Variants in SIK2 observed in about 807,000 individuals in gnomAD.
SIK2 encodes serine/threonine-protein kinase SIK2.
Under a neutral mutation model 103.2 loss-of-function variants are expected in SIK2, and 29 were observed. That is an observed-to-expected ratio of 0.28 (90% CI 0.21 to 0.38). The LOEUF is 0.38. SIK2 is among the 10% of genes least tolerant of loss of function. The pLI is 1.00. For synonymous variants in SIK2, 412 were observed against 446.1 expected (o/e 0.92, Z 0.96); for missense variants, 879 against 1,171.0 (o/e 0.75, Z 3.64).
At chr11:111,721,742 T>C (rs561015128) in intron 12 of SIK2, 88 bp from the exon 13 acceptor site, 561 of 955,870 alleles carry the variant, frequency 5.9e-4, no homozygotes, top group Admixed American at 1.1e-3. Flanking sequence ...GGTATTCCTA[T>C]TGGACATTGC....
intron 7 of SIK2, 134 bp downstream of exon 7, chr11:111,703,557 A>G (rs1190236823): frequency 1.4e-6 from 1 of 695,978 alleles, no homozygotes; most frequent in Non-Finnish European, 2.4e-6. Context: ...CCTATAGATG[A>G]CATCAGACTC....
At position 111,662,376 on chromosome 11, in the gene SIK2, C is replaced by G. The variant is rs559976388; in HGVS notation, c.317-25625C>G. On this transcript the variant is annotated intron_variant, in intron 3 of 14. Coordinates refer to ENST00000304987, the MANE Select transcript of SIK2 (RefSeq NM_015191.3). ...CAAAATCCTTGTCCACATTCACATC[C>G]TAAGCGAGGGAAAAAAACAGTAAAA... 1.9e-4 allele frequency among the ~76,000 whole-genome samples: 29 copies of G among 152,226 alleles called. No individual in the cohort carries two copies. The South Asian group carries it at 5.0e-3, about 26-fold the overall frequency.
rs915200768 is a variant in SIK2, at chr11:111,727,012, G to A, written c.*2883G>A. ...TGCACTAGCTCTGCAATTCCCAGCT[G>A]GGCAAGTGTGTCTCTAGTATCTCCA... On this transcript the variant is annotated 3_prime_UTR_variant, in exon 15 of 15. Coordinates refer to ENST00000304987, the MANE Select transcript of SIK2 (RefSeq NM_015191.3). 26 of 1,614,048 alleles carry A rather than the reference G, an allele frequency of 1.6e-5. No individual in the cohort carries two copies. The Admixed American group carries it at 2.2e-4, about 13-fold the overall frequency.
chr11:111,658,813 A>T (rs1333331344), intron 3 of SIK2, among the ~76,000 whole-genome samples: 3 of 152,200 alleles, frequency 2.0e-5, no homozygotes, highest in Non-Finnish European at 4.4e-5. Flanking sequence ...GTACTACAGT[A>T]ACCAAATGAA....
At chr11:111,623,016 C>T (rs11213957) in intron 3 of SIK2, among the ~76,000 whole-genome samples, 5,172 of 152,276 alleles carry the variant, frequency 0.034, 106 homozygotes, top group Middle Eastern at 0.068. Flanking sequence ...CCTCTCTTCT[C>T]CTTCAGATAT....
intron 9 of SIK2, among the ~76,000 whole-genome samples, chr11:111,713,840 G>A (rs547069206): frequency 7.9e-5 from 12 of 152,192 alleles, no homozygotes; most frequent in African/African-American, 1.7e-4. Context: ...GGTTGCGGGC[G>A]CCTGTAATCC....
In SIK2 at chr11:111,703,519, C is replaced by T. The variant is rs1943266324; in HGVS notation, c.948+96C>T. On this transcript the variant is annotated intron_variant, in intron 7 of 14. Coordinates refer to ENST00000304987, the MANE Select transcript of SIK2 (RefSeq NM_015191.3). ...CCTGGTCTTTTAGCACATGTATCTC[C>T]AGCGCCTAGGCGTACTGTTCAGTGT... 5 of 1,070,236 alleles carry T rather than the reference C, an allele frequency of 4.7e-6. No homozygotes were observed. The Admixed American group carries it at 9.6e-5, about 21-fold the overall frequency. 66.3% of individuals were successfully genotyped at this position (1,070,236 alleles called of 1,614,324 possible). A position where few individuals can be genotyped will look rare whatever the true frequency, so the allele number is the denominator to read the frequency against.
Position 111,723,899 on chromosome 11 carries a change from C to T in SIK2, c.2551C>T (p.Leu851=). 1.2e-6 allele frequency: 2 copies of T among 1,613,502 alleles called. No individual in the cohort carries two copies. Among genetic ancestry groups the T allele is most frequent in the South Asian group, 2.2e-5 (2 of 91,032 alleles). Residue 851 remains leucine, a synonymous_variant, in exon 15 of 15, where the codon CTG becomes TTG. Transcript: ENST00000304987. ...PLQFSYQTCE[L]PSAASPAPDY... ...ACAGTTCTCCTATCAGACTTGTGAGCTGCCAAGCGCTGCTTCCCCTGCGCC... is the reference window on the plus strand; with the variant it reads ...ACAGTTCTCCTATCAGACTTGTGAGTTGCCAAGCGCTGCTTCCCCTGCGCC...
chr11:111,613,729 A>G (rs986939196), intron 1 of SIK2, among the ~76,000 whole-genome samples: 1 of 152,166 alleles, frequency 6.6e-6, no homozygotes, highest in South Asian at 2.1e-4. Flanking sequence ...ACCACCAAAC[A>G]TAATGAAAAG....
intron 3 of SIK2, among the ~76,000 whole-genome samples, chr11:111,636,136 A>G (rs1942105606): frequency 6.6e-6 from 1 of 152,224 alleles, no homozygotes; most frequent in Non-Finnish European, 1.5e-5. Flanking sequence ...TTACGGTGAT[A>G]AAAGAGGTAG....
At chr11:111,721,137 C>A in intron 12 of SIK2, 75 bp downstream of exon 12, 1 of 1,498,590 alleles carries the variant, frequency 6.7e-7, no homozygotes, top group Non-Finnish European at 8.9e-7. Flanking sequence ...TGGTCATTTT[C>A]ACTTAGAGGA....
chr11:111,685,205 A>G (rs1342026487), intron 3 of SIK2, among the ~76,000 whole-genome samples: 2 of 152,220 alleles, frequency 1.3e-5, no homozygotes, highest in South Asian at 4.1e-4. Context: ...GTTCCACCTC[A>G]GATCATCAGG....
At chr11:111,624,873 C>T (rs1407981353) in intron 3 of SIK2, among the ~76,000 whole-genome samples, 1 of 151,926 alleles carries the variant, frequency 6.6e-6, no homozygotes, top group Non-Finnish European at 1.5e-5. Context: ...CAGAGAAGGC[C>T]TCGCTGGCAT....
chr11:111,634,085 A>G (rs1383827298), intron 3 of SIK2, among the ~76,000 whole-genome samples: 1 of 152,180 alleles, frequency 6.6e-6, no homozygotes, highest in Non-Finnish European at 1.5e-5. Context: ...CAGTTAGCAG[A>G]TTCTGGCCTG....
intron 3 of SIK2, among the ~76,000 whole-genome samples, chr11:111,636,994 A>T (rs949229509): frequency 2.6e-5 from 4 of 152,196 alleles, no homozygotes; most frequent in Admixed American, 6.5e-5. Context: ...GTGCTAGGCT[A>T]TCTGGGAAAT....
intron 10 of SIK2, 103 bp downstream of exon 10, chr11:111,720,106 G>C: frequency 8.9e-7 from 1 of 1,120,606 alleles, no homozygotes; most frequent in Non-Finnish European, 1.3e-6. Context: ...AAATTGAGTC[G>C]ATAGCTTATT....
intron 9 of SIK2, among the ~76,000 whole-genome samples, chr11:111,718,148 G>GT (rs1218283468): frequency 1.3e-5 from 2 of 152,168 alleles, no homozygotes; most frequent in African/African-American, 2.4e-5. Flanking sequence ...GACGGAGGCC[G>GT]TAAGTGTAAG....
chr11:111,622,273 T>A (rs1278353233), intron 3 of SIK2, among the ~76,000 whole-genome samples: 2 of 65,128 alleles, frequency 3.1e-5, no homozygotes, highest in African/African-American at 4.5e-5. Context: ...TTTTTTTTTT[T>A]GAGGCAGAGT....
chr11:111,615,441 T>G (rs1474192343), intron 1 of SIK2, among the ~76,000 whole-genome samples: 1 of 152,168 alleles, frequency 6.6e-6, no homozygotes, highest in Non-Finnish European at 1.5e-5. Flanking sequence ...TCTGAAAAAT[T>G]TATTTAAATC....
Sources: gnomAD v4.1 joint callset for allele counts (sites outside exome capture counted in the v4.1 genomes callset) on GRCh38, gnomAD v4.1.1 for gene constraint, MANE v1.5 for transcripts, NCBI Gene and HGNC (gene_info 2026-07-23, HGNC 2026-07-21) for gene names.